The following FGD6 variants were observed in gnomAD, a reference collection of about 807,000 sequenced individuals.
FGD6 encodes FYVE, RhoGEF and PH domain-containing protein 6.
FGD6 carries 90 observed loss-of-function variants against 149.4 expected under a neutral mutation model. The ratio of observed to expected loss-of-function variants is 0.60; its 90% CI spans 0.51 to 0.72. The LOEUF (loss-of-function observed/expected upper bound fraction) is 0.72. Ranked by LOEUF, FGD6 falls within the 30% of genes least tolerant of loss-of-function variation. The probability of loss-of-function intolerance (pLI) is 0.00; values close to 1 mark genes in which losing one functional copy is unlikely to be tolerated. For synonymous variants in FGD6, 527 were observed against 584.0 expected (o/e 0.90, Z 1.41); for missense variants, 1,437 against 1,684.8 (o/e 0.85, Z 2.57).
chr12:95,091,073 A>G (rs867167756), intron 17 of FGD6, among the ~76,000 whole-genome samples: 42 of 152,334 alleles, frequency 2.8e-4, no homozygotes, highest in African/African-American at 1.0e-3. Context: ...AGCTTGGGCA[A>G]CAGTGCAAGA....
chr12:95,154,955 T>G (rs1277495006), intron 3 of FGD6, among the ~76,000 whole-genome samples: 5 of 152,156 alleles, frequency 3.3e-5, no homozygotes, highest in African/African-American at 9.7e-5. Flanking sequence ...TTCTTTTTTC[T>G]AAGTTTCCAC....
At chr12:95,089,944 A>C (rs1877997722) in intron 17 of FGD6, among the ~76,000 whole-genome samples, 1 of 152,072 alleles carries the variant, frequency 6.6e-6, no homozygotes, top group Non-Finnish European at 1.5e-5. Context: ...AGAATTATGA[A>C]ACACGTGACT....
chr12:95,193,255 C>G (rs1334139384), intron 2 of FGD6, among the ~76,000 whole-genome samples: 1 of 152,020 alleles, frequency 6.6e-6, no homozygotes, highest in Non-Finnish European at 1.5e-5. Flanking sequence ...CCCAGATGTC[C>G]TTTAAGTGAA....
rs1257094497 is a variant in FGD6 at position 95,089,581 on chromosome 12, A to G, written c.3966T>C (p.Ala1322=). Residue 1322 remains alanine, a synonymous_variant, in exon 18 of 21, where the codon GCT becomes GCC. Coordinates refer to ENST00000343958, the MANE Select transcript of FGD6 (RefSeq NM_018351.4). ...TGGAAACACTTACTTCTTTGAGAGC[A>G]GCTGGGATTTTTTTCTGTTTCCTCC... ...PSGRKQKKIP[A]ALKEVSANTE... The G allele has an allele frequency of 4.3e-6, 7 of 1,613,660 alleles. No individual in the cohort carries two copies. Among genetic ancestry groups the G allele is most frequent in the Admixed American group, 1.7e-5 (1 of 59,966 alleles).
At chr12:95,125,635 C>CAATA (rs1879314958) in intron 8 of FGD6, 1 of 340,280 alleles carries the variant, frequency 2.9e-6, no homozygotes, top group Non-Finnish European at 5.6e-6. Context: ...GACCATGTCT[C>CAATA]AATAAATAAA....
chr12:95,187,986 C>G (rs1881491788), intron 2 of FGD6, among the ~76,000 whole-genome samples: 4 of 152,080 alleles, frequency 2.6e-5, no homozygotes, highest in Admixed American at 2.6e-4. Flanking sequence ...CTCAAAGTAC[C>G]TTTTCAAGTA....
chr12:95,098,358 C>G (rs528010919), intron 14 of FGD6, among the ~76,000 whole-genome samples: 184 of 152,294 alleles, frequency 1.2e-3, no homozygotes, highest in South Asian at 1.9e-3. Flanking sequence ...GCCGGATACT[C>G]TTTAAAAAAT....
At chr12:95,164,238 T>TTCC (rs1392916317) in intron 3 of FGD6, among the ~76,000 whole-genome samples, 1 of 151,970 alleles carries the variant, frequency 6.6e-6, no homozygotes, top group East Asian at 1.9e-4. Flanking sequence ...TTTTTTTTTT[T>TTCC]TTCCTTCCTT....
intron 3 of FGD6, among the ~76,000 whole-genome samples, chr12:95,168,663 TAA>T (rs35448456): frequency 1.4e-5 from 2 of 144,144 alleles, no homozygotes; most frequent in Admixed American, 6.9e-5. Flanking sequence ...AACTTCATCT[TAA>T]AAAAAAAAAA....
At chr12:95,082,051 A>G (rs1031989676) in intron 20 of FGD6, among the ~76,000 whole-genome samples, 1 of 152,196 alleles carries the variant, frequency 6.6e-6, no homozygotes, top group Non-Finnish European at 1.5e-5. Context: ...TCCAAAATTT[A>G]GCCTGGAAAG....
intron 13 of FGD6, among the ~76,000 whole-genome samples, chr12:95,106,379 T>C (rs1237685379): frequency 6.6e-6 from 1 of 151,416 alleles, no homozygotes; most frequent in Non-Finnish European, 1.5e-5. Context: ...CAAGCGATTC[T>C]CCTGCCTCAG....
chr12:95,205,157 A>G (rs1333019446), intron 2 of FGD6, among the ~76,000 whole-genome samples: 3 of 152,034 alleles, frequency 2.0e-5, no homozygotes, highest in African/African-American at 7.2e-5. Context: ...GGTACCAGCT[A>G]CCTGGGAGGC....
chr12:95,204,802 G>A (rs2056685203), intron 2 of FGD6, among the ~76,000 whole-genome samples: 1 of 152,150 alleles, frequency 6.6e-6, no homozygotes, highest in Non-Finnish European at 1.5e-5. Flanking sequence ...GGCAGTAATG[G>A]TTAATATAAC....
chr12:95,204,384 G>A (rs1000788589), intron 2 of FGD6, among the ~76,000 whole-genome samples: 7 of 152,092 alleles, frequency 4.6e-5, no homozygotes, highest in East Asian at 1.9e-4. Flanking sequence ...TCAATTAGCC[G>A]AATGATGCAG....
rs200992986 is a variant in FGD6, at chr12:95,152,963, G to T, written c.2617C>A (p.His873Asn). Residue 873 changes from histidine (H) to asparagine (N), a missense_variant, in exon 4 of 21, where the codon CAT (histidine) becomes AAT (asparagine). This residue lies in a region of FGD6 where 1,055 missense variants were observed against 1,146.0 expected (regional missense o/e 0.92). Coordinates refer to ENST00000343958, the MANE Select transcript of FGD6 (RefSeq NM_018351.4). ...DEDNGMKSKV[H>N]HIAKEIMSSE... ...CTCATGATCTCCTTGGCAATATGAT[G>T]AACTTTACTTTTCATTCCATTATCT... is the stretch of plus-strand genomic sequence containing the variant. The T allele has an allele frequency of 2.5e-6, 4 of 1,613,960 alleles. No homozygotes were observed. In the Admixed American group the frequency reaches 5.0e-5, roughly 20 times the overall value.
At chr12:95,115,400 CTT>C (rs59390285) in intron 8 of FGD6, among the ~76,000 whole-genome samples, 15 of 129,178 alleles carry the variant, frequency 1.2e-4, no homozygotes, top group Admixed American at 2.5e-4. Flanking sequence ...TCCATGTCTG[CTT>C]TTTTTTTTTT....
At chr12:95,136,635 G>T (rs1303785452) in intron 7 of FGD6, among the ~76,000 whole-genome samples, 1 of 152,092 alleles carries the variant, frequency 6.6e-6, no homozygotes, top group Non-Finnish European at 1.5e-5. Flanking sequence ...CCAAAACCAT[G>T]TTATTTATTT....
chr12:95,149,534 A>T (rs1280602332), intron 5 of FGD6, among the ~76,000 whole-genome samples: 3 of 138,362 alleles, frequency 2.2e-5, no homozygotes, highest in South Asian at 2.1e-4. Flanking sequence ...ATATAGTATT[A>T]TATATATATA....
intron 18 of FGD6, among the ~76,000 whole-genome samples, chr12:95,086,297 G>GA (rs1278833483): frequency 6.6e-6 from 1 of 151,950 alleles, no homozygotes; most frequent in South Asian, 2.1e-4. Context: ...GGGCATCAGG[G>GA]AAAATTATTT....
Sources: gnomAD v4.1 joint callset for allele counts (sites outside exome capture counted in the v4.1 genomes callset) on GRCh38, gnomAD v4.1.1 for gene constraint, gnomAD v4.1.1 regional missense constraint, MANE v1.5 for transcripts, NCBI Gene and HGNC (gene_info 2026-07-23, HGNC 2026-07-21) for gene names.